DNAH12: variants seen among roughly 807,000 people sequenced by gnomAD.
The protein encoded by DNAH12 is dynein axonemal heavy chain 12.
A neutral mutation model predicts 371.5 loss-of-function variants in DNAH12; 285 were observed. That is an observed-to-expected ratio of 0.77 (90% CI 0.70 to 0.85). The LOEUF is 0.85. DNAH12 is among the 40% of genes least tolerant of loss of function. DNAH12 has a pLI of 0.00. For synonymous variants in DNAH12, 1,200 were observed against 1,213.0 expected, an observed-to-expected ratio of 0.99 and a Z score of 0.22; for missense variants, 3,611 against 3,689.4, an observed-to-expected ratio of 0.98 and a Z score of 0.55.
chr3:57,343,965 C>T (rs1310057303), intron 60 of DNAH12, among the ~76,000 whole-genome samples: 1 of 152,060 alleles, frequency 6.6e-6, no homozygotes, highest in Non-Finnish European at 1.5e-5. Context: ...TTTTGCTGAT[C>T]TTCTCCTTAT....
intron 70 of DNAH12, among the ~76,000 whole-genome samples, chr3:57,300,434 T>C (rs993787389): frequency 6.6e-6 from 1 of 152,154 alleles, no homozygotes; most frequent in Admixed American, 6.5e-5. Context: ...TTTGTATTAT[T>C]CCTTTTGTTA....
chr3:57,532,979 G>A (rs993426138), intron 2 of DNAH12, among the ~76,000 whole-genome samples: 1 of 152,170 alleles, frequency 6.6e-6, no homozygotes, highest in African/African-American at 2.4e-5. Context: ...GCTAGGGACT[G>A]GAGTCAAAAA....
chr3:57,487,995 A>T (rs1456988997), intron 12 of DNAH12, among the ~76,000 whole-genome samples: 1 of 151,960 alleles, frequency 6.6e-6, no homozygotes, highest in Non-Finnish European at 1.5e-5. Context: ...CCTCTTTGAT[A>T]TCTTCTCGTG....
chr3:57,406,939 G>T (rs568456712), intron 40 of DNAH12, among the ~76,000 whole-genome samples: 1 of 151,790 alleles, frequency 6.6e-6, no homozygotes, highest in Non-Finnish European at 1.5e-5. Context: ...TCATTCTGTC[G>T]CCCCGCTGGA....
rs902155403 is a variant in DNAH12, at chr3:57,509,861, TAAAAAAAAA to T, written c.470-658_470-650del. ...TGGGCGACAGAGTGAGACTCCATCA[TAAAAAAAAA>T]AAAAAAAAAAAAAAAAAAAAGAAAG... On this transcript the variant is annotated intron_variant, in intron 5 of 73. Coordinates refer to ENST00000495027, the MANE Select transcript of DNAH12 (RefSeq NM_001366028.2). 6.0e-3 allele frequency among the ~76,000 whole-genome samples: 279 copies of T among 46,552 alleles called. 1 individual carries two copies. Among genetic ancestry groups the T allele is most frequent in the Middle Eastern group, 0.019 (1 of 52 alleles). The allele number at this position is 46,552 out of a possible 152,430, so 30.5% of individuals were successfully genotyped here.
At chr3:57,332,432 T>A (rs1186476111) in intron 62 of DNAH12, among the ~76,000 whole-genome samples, 1 of 152,194 alleles carries the variant, frequency 6.6e-6, no homozygotes. Flanking sequence ...GCACAATTAA[T>A]GAAACCACCA....
At chr3:57,315,159 C>A (rs1229614677) in intron 65 of DNAH12, among the ~76,000 whole-genome samples, 1 of 152,022 alleles carries the variant, frequency 6.6e-6, no homozygotes, top group Non-Finnish European at 1.5e-5. Flanking sequence ...CTCAAGAAAT[C>A]TGTGTCAGTG....
intron 11 of DNAH12, among the ~76,000 whole-genome samples, chr3:57,500,222 G>A (rs551640949): frequency 6.6e-6 from 1 of 152,114 alleles, no homozygotes; most frequent in East Asian, 1.9e-4. Flanking sequence ...TGTATTTTTA[G>A]TAGAGATGGG....
intron 60 of DNAH12, among the ~76,000 whole-genome samples, chr3:57,335,915 G>A (rs1486390573): frequency 1.3e-5 from 2 of 152,210 alleles, no homozygotes; most frequent in African/African-American, 4.8e-5. Context: ...CTCCTTAGTG[G>A]TGAAGCTAAC....
intron 36 of DNAH12, among the ~76,000 whole-genome samples, chr3:57,420,872 G>A (rs1329703710): frequency 3.9e-5 from 5 of 129,054 alleles, no homozygotes; most frequent in African/African-American, 1.3e-4. Flanking sequence ...TTGCGCCACC[G>A]CACTCCAGCC....
rs1157345698 is a variant in DNAH12, at chr3:57,368,212, G to A, written c.8808C>T (p.Asn2936=). 1 of 152,118 alleles carries A rather than the reference G, an allele frequency of 6.6e-6. No homozygotes were observed. Among genetic ancestry groups the A allele is most frequent in the Non-Finnish European group, 1.5e-5 (1 of 68,018 alleles). The allele number at this position is 152,118 out of a possible 1,614,324, so 9.4% of individuals were successfully genotyped here. Residue 2936 remains asparagine (N), a synonymous_variant, in exon 56 of 74, where the codon AAC becomes AAT. Coordinates refer to ENST00000495027, the MANE Select transcript of DNAH12 (RefSeq NM_001366028.2). ...PQGQANKWIK[N]SEKENQLSVI... ...CACTAAGCTGATTTTCTTTTTCAGA[G>A]TTTTTGATCCACTTATTGGCTTGAC...
At position 57,502,404 on chromosome 3, in the gene DNAH12, C is replaced by T. The variant is rs745945755; in HGVS notation, c.1162G>A (p.Val388Met). ...VNLDTELPEH[V>M]LHWAVDTLKA... ...AGTGTATCAACAGCCCAGTGTAACACGTGTTCAGGAAGTTCTGTGTCAAGA... is the reference window on the plus strand; with the variant it reads ...AGTGTATCAACAGCCCAGTGTAACATGTGTTCAGGAAGTTCTGTGTCAAGA... The change falls in exon 10 of 74, where the codon GTG (valine) becomes ATG (methionine). Residue 388 changes from valine (V) to methionine (M), a missense_variant. Val to Met is a conservative substitution (Grantham distance 21). Transcript: ENST00000495027. 5 of 1,614,132 alleles carry T rather than the reference C, an allele frequency of 3.1e-6. No homozygotes were observed. The highest frequency in any genetic ancestry group is 1.1e-5 in the South Asian group (1 of 91,084).
chr3:57,434,964 C>T (rs1575596281), intron 30 of DNAH12, among the ~76,000 whole-genome samples: 5 of 152,212 alleles, frequency 3.3e-5, no homozygotes, highest in Non-Finnish European at 4.4e-5. Flanking sequence ...TATTCTCATT[C>T]GCAACTGGTA....
At chr3:57,532,103 G>C (rs1241404767) in intron 2 of DNAH12, among the ~76,000 whole-genome samples, 2 of 151,908 alleles carry the variant, frequency 1.3e-5, no homozygotes, top group Non-Finnish European at 2.9e-5. Flanking sequence ...GATCAATTCT[G>C]TAATTAAAAC....
intron 17 of DNAH12, among the ~76,000 whole-genome samples, chr3:57,466,382 C>T (rs946964612): frequency 6.6e-6 from 1 of 151,908 alleles, no homozygotes; most frequent in African/African-American, 2.4e-5. Context: ...TTTTTTAGAC[C>T]ACGCAAATGT....
chr3:57,435,123 G>A (rs529495662), intron 30 of DNAH12, among the ~76,000 whole-genome samples: 17 of 152,258 alleles, frequency 1.1e-4, no homozygotes, highest in African/African-American at 3.9e-4. Context: ...TGTAATCCCA[G>A]CACTTTGGGA....
chr3:57,518,207 C>T (rs1207972748), intron 4 of DNAH12, among the ~76,000 whole-genome samples: 1 of 151,664 alleles, frequency 6.6e-6, no homozygotes, highest in Non-Finnish European at 1.5e-5. Context: ...ATTTTTAGTG[C>T]TCGATATCAT....
chr3:57,504,445 CTG>C, intron 8 of DNAH12, among the ~76,000 whole-genome samples: 1 of 152,190 alleles, frequency 6.6e-6, no homozygotes, highest in South Asian at 2.1e-4. Flanking sequence ...GTGTCTCACT[CTG>C]TTGCCCAGAC....
intron 60 of DNAH12, among the ~76,000 whole-genome samples, chr3:57,343,939 C>G (rs782001302): frequency 1.3e-5 from 2 of 152,146 alleles, no homozygotes; most frequent in Admixed American, 6.5e-5. Flanking sequence ...AACATAGATT[C>G]TTTTGCTCAC....
Sources: gnomAD v4.1 joint callset for allele counts (sites outside exome capture counted in the v4.1 genomes callset) on GRCh38, gnomAD v4.1.1 for gene constraint, MANE v1.5 for transcripts, NCBI Gene and HGNC (gene_info 2026-07-23, HGNC 2026-07-21) for gene names.